Variants in SPG11 observed in about 807,000 individuals in gnomAD.
SPG11 encodes spatacsin.
Under a neutral mutation model 274.0 loss-of-function variants are expected in SPG11, and 222 were observed. The observed-to-expected ratio is 0.81, with a 90% confidence interval of 0.73 to 0.91. The LOEUF (loss-of-function observed/expected upper bound fraction) is 0.91. SPG11 is among the 40% of genes least tolerant of loss of function. The probability of loss-of-function intolerance (pLI) is 0.00; values close to 1 mark genes in which losing one functional copy is unlikely to be tolerated. For synonymous variants in SPG11, 1,144 were observed against 1,039.7 expected (o/e 1.10, Z -1.93); for missense variants, 3,114 against 2,872.7 (o/e 1.08, Z -1.92).
intron 6 of SPG11, among the ~76,000 whole-genome samples, chr15:44,650,373 G>T (rs1331264410): frequency 6.6e-6 from 1 of 152,094 alleles, no homozygotes; most frequent in East Asian, 1.9e-4. Flanking sequence ...TAAAAGTACA[G>T]CCAGGTGTGG....
intron 16 of SPG11, among the ~76,000 whole-genome samples, chr15:44,614,702 A>G (rs2083547548): frequency 6.6e-6 from 1 of 152,220 alleles, no homozygotes; most frequent in African/African-American, 2.4e-5. Context: ...CATAAAATGG[A>G]CATGGGAGTA....
At chr15:44,644,584 C>T (rs117931258) in intron 7 of SPG11, among the ~76,000 whole-genome samples, 2,211 of 152,152 alleles carry the variant, frequency 0.015, 58 homozygotes, top group East Asian at 0.097. Context: ...AAAAATCAGG[C>T]AAGAGAAAGA....
intron 7 of SPG11, 82 bp from the exon 8 acceptor site, chr15:44,633,719 T>C (rs1191052303): frequency 1.8e-5 from 26 of 1,446,018 alleles, no homozygotes; most frequent in African/African-American, 2.8e-5. Context: ...AAACAAACTT[T>C]AGAATTTAAT....
chr15:44,624,731 G>A (rs765751046), intron 11 of SPG11, among the ~76,000 whole-genome samples: 5 of 151,924 alleles, frequency 3.3e-5, no homozygotes, highest in Non-Finnish European at 1.5e-5. Flanking sequence ...GCTTACTTGT[G>A]GTAATTTTTT....
At chr15:44,660,271 T>C (rs185511289) in intron 2 of SPG11, among the ~76,000 whole-genome samples, 161 bp downstream of exon 2, 68 of 152,328 alleles carry the variant, frequency 4.5e-4, no homozygotes, top group African/African-American at 1.6e-3. Context: ...TCTTAATTCA[T>C]ATTAACCATA....
At chr15:44,591,925 C>T (rs191941110) in intron 27 of SPG11, among the ~76,000 whole-genome samples, 1 of 152,224 alleles carries the variant, frequency 6.6e-6, no homozygotes, top group East Asian at 1.9e-4. Flanking sequence ...GCCTGACCAA[C>T]ATGGTGAAAC....
intron 30 of SPG11, among the ~76,000 whole-genome samples, chr15:44,576,492 C>CA (rs773518935): frequency 1.3e-5 from 2 of 151,172 alleles, no homozygotes; most frequent in Non-Finnish European, 3.0e-5. Flanking sequence ...ACTAAAACTA[C>CA]AAAAAAATTA....
intron 24 of SPG11, 116 bp from the exon 25 acceptor site, chr15:44,596,471 A>C (rs2083041968): frequency 8.7e-7 from 1 of 1,146,484 alleles, no homozygotes; most frequent in African/African-American, 1.5e-5. Flanking sequence ...ACTAAGTCAG[A>C]GTGACTATTA....
intron 19 of SPG11, among the ~76,000 whole-genome samples, chr15:44,606,427 G>T (rs1329453647): frequency 6.6e-6 from 1 of 152,100 alleles, no homozygotes; most frequent in Non-Finnish European, 1.5e-5. Context: ...AAGCAAGAGG[G>T]CTAAAAGACT....
chr15:44,592,491 C>T, intron 26 of SPG11, 53 bp from the exon 27 acceptor site: 1 of 1,017,046 alleles, frequency 9.8e-7, no homozygotes, highest in Non-Finnish European at 1.6e-6. Context: ...AATATTTTTT[C>T]AATGAATAAT....
At chr15:44,642,659 G>C (rs1431781052) in intron 7 of SPG11, among the ~76,000 whole-genome samples, 2 of 147,682 alleles carry the variant, frequency 1.4e-5, no homozygotes, top group Non-Finnish European at 1.5e-5. Flanking sequence ...CCAAGAATTC[G>C]ACACTCACCT....
At chr15:44,593,984 C>T (rs1225673156) in intron 26 of SPG11, among the ~76,000 whole-genome samples, 1 of 147,868 alleles carries the variant, frequency 6.8e-6, no homozygotes, top group Non-Finnish European at 1.5e-5. Flanking sequence ...TGGCCAGGCT[C>T]ATCACAAATT....
At chr15:44,658,616 G>T (rs150521788) in intron 3 of SPG11, among the ~76,000 whole-genome samples, 2,142 of 151,946 alleles carry the variant, frequency 0.014, 48 homozygotes, top group East Asian at 0.037. Flanking sequence ...GCACCACCAC[G>T]CCTGGCTAAT....
chr15:44,639,194 T>C (rs909499272), intron 7 of SPG11, among the ~76,000 whole-genome samples: 1 of 151,764 alleles, frequency 6.6e-6, no homozygotes, highest in African/African-American at 2.4e-5. Context: ...TACCCATTCA[T>C]GATAAAACCT....
chr15:44,615,668 TTACAAATTAATGC>T lies in SPG11; in HGVS notation c.2835-115_2835-103del, dbSNP rs2083576452. The stretch of plus-strand genomic sequence containing the variant: ...GTCTCAATTACTTAAAAATAAGCAT[TTACAAATTAATGC>T]TGCCAGTTCTTACTCTATATGTTCT... On this transcript the variant is annotated intron_variant, in intron 15 of 39. Transcript: ENST00000261866. The T allele has an allele frequency of 1.1e-4, 112 of 1,043,900 alleles. No individual in the cohort carries two copies. The South Asian group carries it at 1.5e-3, about 14-fold the overall frequency. The allele number at this position is 1,043,900 out of a possible 1,614,324, so 64.7% of individuals were successfully genotyped here.
At chr15:44,644,508 C>G (rs1010424066) in intron 7 of SPG11, among the ~76,000 whole-genome samples, 1 of 152,070 alleles carries the variant, frequency 6.6e-6, no homozygotes, top group Non-Finnish European at 1.5e-5. Context: ...CTGTGAGAAC[C>G]ATAACAAGAC....
chr15:44,567,379 T>C (rs756992580), intron 36 of SPG11, 45 bp downstream of exon 36: 24 of 1,386,828 alleles, frequency 1.7e-5, no homozygotes, highest in Non-Finnish European at 2.4e-5. Context: ...GAATTTTACC[T>C]AGCTAGCAGC....
rs768346624 is a variant in SPG11, at chr15:44,596,075, A to T, written c.4434+8T>A. ...GGGTACTTACTTCAGGCTTCTCATG[A>T]TCCTCACCTGGAGACATGAGGCCAG... On this transcript the variant is annotated splice_region_variant and intron_variant, in intron 25 of 39. Transcript: ENST00000261866. 42 of 1,612,756 alleles carry T rather than the reference A, an allele frequency of 2.6e-5. No homozygotes were observed. The East Asian group carries it at 9.4e-4, about 36-fold the overall frequency.
In SPG11 at chr15:44,628,862, G is replaced by A. The variant is rs1459168071; in HGVS notation, c.1892-18C>T. 1.2e-6 allele frequency: 2 copies of A among 1,607,058 alleles called. No homozygotes were observed. The highest frequency in any genetic ancestry group is 1.7e-6 in the Non-Finnish European group (2 of 1,175,714). On this transcript the variant is annotated intron_variant, in intron 9 of 39. Coordinates refer to ENST00000261866, the MANE Select transcript of SPG11 (RefSeq NM_025137.4). ...ATCTAGTTCTATGGAAAATACCAAT[G>A]TGCCAATTTGTGTGTGTGTGTGTAA...
Sources: allele counts gnomAD v4.1 joint callset (sites outside exome capture counted in the v4.1 genomes callset), GRCh38; gene constraint gnomAD v4.1.1; transcripts MANE v1.5; gene names NCBI Gene and HGNC (gene_info 2026-07-23, HGNC 2026-07-21).